The following GAP43 variants were observed in gnomAD, a reference collection of about 807,000 sequenced individuals.
GAP43 encodes the protein neuromodulin.
A neutral mutation model predicts 18.6 loss-of-function variants in GAP43; 6 were observed. That is an observed-to-expected ratio of 0.32 (90% CI 0.18 to 0.64). The LOEUF (loss-of-function observed/expected upper bound fraction) is 0.64. GAP43 is among the 30% of genes least tolerant of loss of function. GAP43 has a pLI of 0.78. For synonymous variants in GAP43, 115 were observed against 111.4 expected (o/e 1.03, Z -0.20); for missense variants, 292 against 295.5 (o/e 0.99, Z 0.09).
In GAP43 at chr3:115,721,227, C is replaced by CCTCTCT. The variant is rs34867539; in HGVS notation, c.*358_*363dup. The CCTCTCT allele has an allele frequency of 4.3e-3, 663 of 154,792 alleles. 2 individuals are homozygous for CCTCTCT. The highest frequency in any genetic ancestry group is 0.014 in the African/African-American group (583 of 41,050). The allele number at this position is 154,792 out of a possible 1,614,324, so 9.6% of individuals were successfully genotyped here. On this transcript the variant is annotated 3_prime_UTR_variant, in exon 3 of 3. Coordinates refer to ENST00000305124, the MANE Select transcript of GAP43 (RefSeq NM_002045.4). Reference sequence around the variant, plus strand: ...GTGTGGCCCTGTGGGAGTCCACTTTCCTCTCTCTCTCTCTCTCTGTTCCAA... The same window carrying CCTCTCT: ...GTGTGGCCCTGTGGGAGTCCACTTTCCTCTCTCTCTCTCTCTCTCTCTCTGTTCCAA...
At chr3:115,698,552 T>A (rs1709254837) in intron 2 of GAP43, among the ~76,000 whole-genome samples, 1 of 151,180 alleles carries the variant, frequency 6.6e-6, no homozygotes, top group Non-Finnish European at 1.5e-5. Context: ...GAGAAAAGGC[T>A]GCTTATGTCT....
intron 2 of GAP43, among the ~76,000 whole-genome samples, chr3:115,711,957 G>C (rs1352179237): frequency 1.3e-5 from 2 of 152,032 alleles, no homozygotes; most frequent in Non-Finnish European, 2.9e-5. Context: ...AAAAATTATT[G>C]AGGGCAAGTA....
chr3:115,623,617 G>A lies in GAP43; in HGVS notation c.-73G>A. 6.3e-7 allele frequency: 1 copy of A among 1,584,160 alleles called. No individual in the cohort carries two copies. Among genetic ancestry groups the A allele is most frequent in the South Asian group, 1.1e-5 (1 of 90,338 alleles). ...GTGAGCAAGCGAGCAGAAAAGAGGT[G>A]GAGAGGGGGGGAATAAGAAAGAGAG... On this transcript the variant is annotated 5_prime_UTR_variant, in exon 1 of 3. Coordinates refer to ENST00000305124, the MANE Select transcript of GAP43 (RefSeq NM_002045.4).
At chr3:115,700,341 T>C (rs1709282267) in intron 2 of GAP43, among the ~76,000 whole-genome samples, 1 of 152,160 alleles carries the variant, frequency 6.6e-6, no homozygotes, top group Non-Finnish European at 1.5e-5. Context: ...TCCTAGATGA[T>C]ATTTATTGAG....
intron 1 of GAP43, among the ~76,000 whole-genome samples, chr3:115,631,913 C>T (rs1005617206): frequency 4.6e-5 from 7 of 152,060 alleles, no homozygotes; most frequent in Admixed American, 2.6e-4. Flanking sequence ...GAGCCGGGCA[C>T]GGCTCAGAGT....
intron 2 of GAP43, among the ~76,000 whole-genome samples, chr3:115,694,247 G>A (rs1253025270): frequency 1.3e-5 from 2 of 152,256 alleles, no homozygotes; most frequent in Middle Eastern, 3.4e-3. Flanking sequence ...CCATCTATCT[G>A]GAATAAATCC....
In GAP43 at chr3:115,709,856, T is replaced by C. The variant is rs913639414; in HGVS notation, c.629-10938T>C. 9.0e-4 allele frequency among the ~76,000 whole-genome samples: 136 copies of C among 151,836 alleles called. 2 individuals are homozygous for C. In the East Asian group the frequency reaches 0.025, roughly 28 times the overall value. ...ATACATGAACATACATATATATATA[T>C]ATATATATACACACACATGAGCAAT... On this transcript the variant is annotated intron_variant, in intron 2 of 2. Transcript: ENST00000305124.
chr3:115,633,260 G>A (rs1039304373), intron 1 of GAP43, among the ~76,000 whole-genome samples: 2 of 152,016 alleles, frequency 1.3e-5, no homozygotes, highest in Non-Finnish European at 2.9e-5. Context: ...CAGAGAGAGA[G>A]AGAATGAGGA....
intron 1 of GAP43, chr3:115,661,365 T>C (rs896039130): frequency 2.0e-5 from 3 of 152,270 alleles, no homozygotes; most frequent in African/African-American, 7.2e-5. Flanking sequence ...GCTGCTAAGA[T>C]ATAACTGGGC....
At chr3:115,698,306 A>ATATATAT in intron 2 of GAP43, among the ~76,000 whole-genome samples, 1 of 81,878 alleles carries the variant, frequency 1.2e-5, no homozygotes, top group Non-Finnish European at 2.2e-5. Context: ...ATTATATATA[A>ATATATAT]AATATATATA....
At chr3:115,633,973 A>G (rs1329130744) in intron 1 of GAP43, among the ~76,000 whole-genome samples, 1 of 152,170 alleles carries the variant, frequency 6.6e-6, no homozygotes, top group African/African-American at 2.4e-5. Flanking sequence ...TAATAACCAC[A>G]TTTATCTATT....
chr3:115,719,627 G>A (rs1045926617), intron 2 of GAP43, among the ~76,000 whole-genome samples: 1 of 152,216 alleles, frequency 6.6e-6, no homozygotes, highest in African/African-American at 2.4e-5. Context: ...ACTCCATGGG[G>A]AGAAGACTCT....
At chr3:115,660,629 T>C (rs1708646493) in intron 1 of GAP43, among the ~76,000 whole-genome samples, 1 of 152,258 alleles carries the variant, frequency 6.6e-6, no homozygotes, top group Admixed American at 6.5e-5. Context: ...TTTAAAGAGA[T>C]ATTCAAAAAG....
chr3:115,688,540 C>T (rs1709063528), intron 2 of GAP43, among the ~76,000 whole-genome samples: 1 of 152,162 alleles, frequency 6.6e-6, no homozygotes, highest in South Asian at 2.1e-4. Flanking sequence ...CTCAAAAATT[C>T]TAAAAAATCT....
chr3:115,678,812 G>A (rs958204674), intron 2 of GAP43, among the ~76,000 whole-genome samples: 1 of 151,676 alleles, frequency 6.6e-6, no homozygotes, highest in East Asian at 1.9e-4. Context: ...GCAATTTACA[G>A]TGTTTCTTAG....
At chr3:115,682,055 C>T (rs1183795623) in intron 2 of GAP43, among the ~76,000 whole-genome samples, 1 of 152,220 alleles carries the variant, frequency 6.6e-6, no homozygotes, top group Non-Finnish European at 1.5e-5. Context: ...ATATTCCAGA[C>T]TCTTGTCTGG....
In GAP43 at chr3:115,676,518, C is replaced by G; in HGVS notation, c.536C>G (p.Ala179Gly). 1 of 1,613,698 alleles carries G rather than the reference C, an allele frequency of 6.2e-7. No homozygotes were observed. The highest frequency in any genetic ancestry group is 8.5e-7 in the Non-Finnish European group (1 of 1,179,972). Residue 179 changes from alanine (A) to glycine (G), a missense_variant, in exon 2 of 3, where the codon GCC becomes GGC. Coordinates refer to ENST00000305124, the MANE Select transcript of GAP43 (RefSeq NM_002045.4). ...DVPAAVTAAAATTPAAEDAAA... is the reference protein window; with the variant it reads ...DVPAAVTAAAGTTPAAEDAAA... ...CCTGCTGCTGTCACTGCTGCTGCTGCCACCACCCCTGCCGCAGAGGATGCT... is the reference window on the plus strand; with the variant it reads ...CCTGCTGCTGTCACTGCTGCTGCTGGCACCACCCCTGCCGCAGAGGATGCT...
intron 2 of GAP43, among the ~76,000 whole-genome samples, chr3:115,700,964 A>G (rs1168369069): frequency 1.3e-5 from 2 of 152,164 alleles, no homozygotes; most frequent in Non-Finnish European, 2.9e-5. Context: ...ATCAAACATG[A>G]CCCAGTCAAA....
chr3:115,669,089 C>CAA lies in GAP43; in HGVS notation c.31-6923_31-6922insAA, dbSNP rs1390765861. Among the ~76,000 whole-genome samples, 5 of 151,178 alleles carry CAA rather than the reference C, an allele frequency of 3.3e-5. No homozygotes were observed. The East Asian group carries it at 9.7e-4, about 29-fold the overall frequency. Reference sequence around the variant, plus strand: ...AAAAGTACACACACACACACACACACACAGAAAAATAATTTTATTGATATG... The same window carrying CAA: ...AAAAGTACACACACACACACACACACAAACAGAAAAATAATTTTATTGATATG... On this transcript the variant is annotated intron_variant, in intron 1 of 2. Coordinates refer to ENST00000305124, the MANE Select transcript of GAP43 (RefSeq NM_002045.4).
Sources: allele counts gnomAD v4.1 joint callset (sites outside exome capture counted in the v4.1 genomes callset), GRCh38; gene constraint gnomAD v4.1.1; transcripts MANE v1.5; gene names NCBI Gene and HGNC (gene_info 2026-07-23, HGNC 2026-07-21).